The following PLXNA1 variants were observed in gnomAD, a reference collection of about 807,000 sequenced individuals.
PLXNA1 encodes plexin A1.
In PLXNA1, 77 loss-of-function variants were observed where a neutral mutation model predicts 191.7. The ratio of observed to expected loss-of-function variants is 0.40; its 90% CI spans 0.33 to 0.49. PLXNA1 has a LOEUF of 0.49. PLXNA1 is among the 20% of genes least tolerant of loss of function. The probability of loss-of-function intolerance (pLI) is 0.63; values close to 1 mark genes in which losing one functional copy is unlikely to be tolerated. For synonymous variants in PLXNA1, 1,137 were observed against 1,156.4 expected (o/e 0.98, Z 0.34); for missense variants, 2,110 against 2,660.2 (o/e 0.79, Z 4.55).
intron 15 of PLXNA1, 87 bp downstream of exon 15, chr3:127,015,407 G>C (rs1391644111): frequency 4.7e-6 from 7 of 1,492,030 alleles, no homozygotes; most frequent in Non-Finnish European, 6.3e-6. Flanking sequence ...CCTGGGCAAC[G>C]GGGCTATGGA....
chr3:127,017,873 C>T lies in PLXNA1; in HGVS notation c.3641C>T (p.Thr1214Ile). ...TQLLCEAPNL[T>I]GQHKVTVRAG... ...CTGCTGTGCGAGGCGCCCAACCTCA[C>T]TGGGCAGCACAAGGTCACGGTGCGT... Residue 1214 changes from threonine to isoleucine, a missense_variant, in exon 19 of 32, where the codon ACT becomes ATT. By Grantham distance (89) the Thr-to-Ile change is moderately conservative. Around this residue, in one of 4 missense-constraint regions of PLXNA1, gnomAD observed 644 missense variants for 714.3 expected, o/e 0.90. Coordinates refer to ENST00000393409, the MANE Select transcript of PLXNA1 (RefSeq NM_032242.4). 1 of 1,612,716 alleles carries T rather than the reference C, an allele frequency of 6.2e-7. No homozygotes were observed. Among genetic ancestry groups the T allele is most frequent in the Non-Finnish European group, 8.5e-7 (1 of 1,180,010 alleles).
At position 127,028,779 on chromosome 3, in the gene PLXNA1, C is replaced by A. The variant is rs796813437; in HGVS notation, c.4670-214C>A. 1.2e-5 allele frequency: 7 copies of A among 588,848 alleles called. No individual in the cohort carries two copies. The African/African-American group carries it at 1.3e-4, about 11-fold the overall frequency. The allele number at this position is 588,848 out of a possible 1,614,324, so 36.5% of individuals were successfully genotyped here. A position where few individuals can be genotyped will look rare whatever the true frequency, so the allele number is the denominator to read the frequency against. On this transcript the variant is annotated intron_variant, in intron 25 of 31. Coordinates refer to ENST00000393409, the MANE Select transcript of PLXNA1 (RefSeq NM_032242.4). ...AGGCTTGCGGAAGGCAGGGCAGACC[C>A]CCTTAGGCTGGGGCTGCTGTGGCAG...
intron 3 of PLXNA1, among the ~76,000 whole-genome samples, chr3:126,996,078 C>T (rs911135959): frequency 6.6e-6 from 1 of 152,166 alleles, no homozygotes; most frequent in African/African-American, 2.4e-5. Context: ...CTTCAGCACT[C>T]CTAGGGGTTC....
intron 3 of PLXNA1, among the ~76,000 whole-genome samples, chr3:126,995,381 C>T (rs545664692): frequency 2.4e-3 from 360 of 152,328 alleles, no homozygotes; most frequent in Non-Finnish European, 4.0e-3. Context: ...CCTGTAGCAT[C>T]AGCCCAAGTA....
chr3:126,991,915 G>A (rs978612483), intron 3 of PLXNA1, among the ~76,000 whole-genome samples: 5 of 152,114 alleles, frequency 3.3e-5, no homozygotes, highest in East Asian at 1.9e-4. Context: ...AGGCCTGCGC[G>A]GCCCCCTCCC....
chr3:127,020,485 C>G, intron 21 of PLXNA1, 141 bp downstream of exon 21: 1 of 1,081,494 alleles, frequency 9.2e-7, no homozygotes, highest in African/African-American at 1.6e-5. Context: ...GGGCTCTGGG[C>G]TCAGCCAAGT....
At chr3:127,005,522 A>G (rs1428624352) in intron 7 of PLXNA1, among the ~76,000 whole-genome samples, 1 of 152,220 alleles carries the variant, frequency 6.6e-6, no homozygotes, top group Non-Finnish European at 1.5e-5. Flanking sequence ...TACAGTAGGA[A>G]TAGCCATAGA....
chr3:126,991,539 C>A lies in PLXNA1; in HGVS notation c.1350C>A (p.Ala450=). ...ATCGGGGCCGCACTGTGGTATTCGC[C>A]GGCACGCGAAGTGGCCGCATCCGCA... ...YDYRGRTVVF[A]GTRSGRIRKI... Residue 450 remains alanine, a synonymous_variant, in exon 3 of 32, where the codon GCC becomes GCA. Transcript: ENST00000393409. 2.5e-6 allele frequency: 4 copies of A among 1,591,648 alleles called. No individual in the cohort carries two copies. The highest frequency in any genetic ancestry group is 3.4e-6 in the Non-Finnish European group (4 of 1,165,232).
chr3:127,029,415 AG>A (rs1392496026), intron 26 of PLXNA1, 24 bp from the exon 27 acceptor site: 1 of 1,610,500 alleles, frequency 6.2e-7, no homozygotes, highest in African/African-American at 1.3e-5. Flanking sequence ...GGTGGGTCAC[AG>A]GGTCCCTGGC....
chr3:126,994,695 C>T (rs2107622652), intron 3 of PLXNA1, among the ~76,000 whole-genome samples: 1 of 152,236 alleles, frequency 6.6e-6, no homozygotes. Context: ...TTCACTTCTC[C>T]TCGTCTCTCC....
intron 2 of PLXNA1, among the ~76,000 whole-genome samples, chr3:126,990,551 G>T (rs2078985122): frequency 6.6e-6 from 1 of 152,214 alleles, no homozygotes; most frequent in Non-Finnish European, 1.5e-5. Context: ...CCCAGACCTG[G>T]GACCCCCGAG....
rs751984329 is a variant in PLXNA1, at chr3:127,014,165, C to T, written c.2411-17C>T. The T allele has an allele frequency of 9.9e-6, 16 of 1,611,768 alleles. No individual in the cohort carries two copies. The South Asian group carries it at 1.1e-4, about 11-fold the overall frequency. Reference sequence around the variant, plus strand: ...GGGCAGTGGGCGGGCCCGAGCTGACCGCACCCCTCCCCACAGCGCACCTCT... The same window carrying T: ...GGGCAGTGGGCGGGCCCGAGCTGACTGCACCCCTCCCCACAGCGCACCTCT... On this transcript the variant is annotated splice_polypyrimidine_tract_variant and intron_variant, in intron 11 of 31. Transcript: ENST00000393409.
In PLXNA1 at chr3:126,989,139, G is replaced by A; in HGVS notation, c.546G>A (p.Gln182=). Reference sequence around the variant, plus strand: ...TTGCCGGGCCACCGGGCCAGGGCCAGGCCAAGCTCTTCGTGGGCACACCCA... The same window carrying A: ...TTGCCGGGCCACCGGGCCAGGGCCAAGCCAAGCTCTTCGTGGGCACACCCA... ...VLIAGPPGQG[Q]AKLFVGTPID... is the part of the protein sequence containing the mutation. The change falls in exon 2 of 32, where the codon CAG becomes CAA. Residue 182 remains glutamine, a synonymous_variant. Coordinates refer to ENST00000393409, the MANE Select transcript of PLXNA1 (RefSeq NM_032242.4). The A allele has an allele frequency of 3.7e-6, 6 of 1,613,342 alleles. No homozygotes were observed. Among genetic ancestry groups the A allele is most frequent in the Non-Finnish European group, 5.1e-6 (6 of 1,180,034 alleles).
intron 3 of PLXNA1, among the ~76,000 whole-genome samples, chr3:126,995,222 TGGC>T (rs1183637870): frequency 6.6e-6 from 1 of 152,196 alleles, no homozygotes; most frequent in Non-Finnish European, 1.5e-5. Flanking sequence ...GAGCCCTGCC[TGGC>T]ACCTGCTCTG....
In PLXNA1 at chr3:127,017,008, G is replaced by A; in HGVS notation, c.3247G>A (p.Ala1083Thr). ...LATVREPRIR[A>T]KYGGIERENG... is the part of the protein sequence containing the mutation. ...CACTGTCCGTGAACCCCGAATCCGGGCCAAGTATGGAGGCATTGAGAGGGA... is the reference window on the plus strand; with the variant it reads ...CACTGTCCGTGAACCCCGAATCCGGACCAAGTATGGAGGCATTGAGAGGGA... Residue 1083 changes from alanine (A) to threonine (T), a missense_variant, in exon 17 of 32, where the codon GCC becomes ACC. Coordinates refer to ENST00000393409, the MANE Select transcript of PLXNA1 (RefSeq NM_032242.4). 6.2e-6 allele frequency: 10 copies of A among 1,613,498 alleles called. No homozygotes were observed. Among genetic ancestry groups the A allele is most frequent in the Non-Finnish European group, 8.5e-6 (10 of 1,179,950 alleles).
At chr3:127,005,814 C>T (rs1189842338) in intron 7 of PLXNA1, among the ~76,000 whole-genome samples, 9 of 152,162 alleles carry the variant, frequency 5.9e-5, no homozygotes, top group African/African-American at 9.7e-5. Context: ...TGGACAGTCG[C>T]TCTGCAGGCC....
rs745637235 is a variant in PLXNA1 at position 127,017,488 on chromosome 3, C to G, written c.3340C>G (p.Arg1114Gly). The G allele has an allele frequency of 2.2e-5, 35 of 1,613,420 alleles. No homozygotes were observed. In the Admixed American group the frequency reaches 5.7e-4, roughly 26 times the overall value. The change falls in exon 18 of 32, where the codon CGC (arginine) becomes GGC (glycine). Residue 1114 changes from arginine (R) to glycine (G), a missense_variant. Arg to Gly is a moderately radical substitution (Grantham distance 125). This residue lies in a region of PLXNA1 where 644 missense variants were observed against 714.3 expected (regional missense o/e 0.90). Transcript: ENST00000393409. ...CGCCCCGTCTGTGGCCAACCCTGTG[C>G]GCAGCCCACCAGAGCTGGGGGAGCG... is the stretch of plus-strand genomic sequence containing the variant. ...CRAPSVANPV[R>G]SPPELGERPD... is the part of the protein sequence containing the mutation.
chr3:127,001,675 C>T (rs1309320713), intron 3 of PLXNA1, among the ~76,000 whole-genome samples: 1 of 152,278 alleles, frequency 6.6e-6, no homozygotes, highest in Non-Finnish European at 1.5e-5. Flanking sequence ...TCCCCCACTC[C>T]CTGGTGGCTG....
At chr3:127,021,748 C>T (rs1202366909) in intron 21 of PLXNA1, among the ~76,000 whole-genome samples, 1 of 152,188 alleles carries the variant, frequency 6.6e-6, no homozygotes, top group Non-Finnish European at 1.5e-5. Flanking sequence ...GCGTGAGCAG[C>T]CCCTCTCATT....
Sources: gnomAD v4.1 joint callset for allele counts (sites outside exome capture counted in the v4.1 genomes callset) on GRCh38, gnomAD v4.1.1 for gene constraint, gnomAD v4.1.1 regional missense constraint, MANE v1.5 for transcripts, NCBI Gene and HGNC (gene_info 2026-07-23, HGNC 2026-07-21) for gene names.